DOCK3: variants seen among roughly 807,000 people sequenced by gnomAD.
DOCK3 encodes the protein dedicator of cytokinesis 3, also known as dedicator of cytokinesis protein 3.
A neutral mutation model predicts 265.6 loss-of-function variants in DOCK3; 60 were observed. The observed-to-expected ratio is 0.23, with a 90% CI of 0.18 to 0.28. The LOEUF is 0.28. DOCK3 is among the 10% of genes least tolerant of loss of function. The pLI, the probability that DOCK3 is intolerant of heterozygous loss-of-function variation, is 1.00. For synonymous variants in DOCK3, 881 were observed against 938.0 expected (o/e 0.94, Z 1.11); for missense variants, 1,981 against 2,594.3 (o/e 0.76, Z 5.14).
intron 19 of DOCK3, 62 bp from the exon 20 acceptor site, chr3:51,236,283 T>G (rs1202889991): frequency 8.2e-7 from 1 of 1,223,972 alleles, no homozygotes; most frequent in Non-Finnish European, 1.2e-6. Context: ...TTCATTGATT[T>G]ATGGAAGTTT....
At chr3:50,737,894 G>C (rs572587607) in intron 1 of DOCK3, among the ~76,000 whole-genome samples, 3 of 152,266 alleles carry the variant, frequency 2.0e-5, no homozygotes, top group Admixed American at 2.0e-4. Context: ...GCAGTTTCTA[G>C]CTCTCTTTAG....
chr3:51,034,140 A>AT (rs1335789150), intron 5 of DOCK3, among the ~76,000 whole-genome samples: 21 of 152,138 alleles, frequency 1.4e-4, no homozygotes, highest in African/African-American at 5.1e-4. Context: ...TAGTTTTTTC[A>AT]TAATATGCAT....
intron 2 of DOCK3, among the ~76,000 whole-genome samples, chr3:50,834,189 C>T (rs1269735915): frequency 5.9e-5 from 9 of 151,954 alleles, no homozygotes; most frequent in Admixed American, 5.9e-4. Context: ...CATTCAAGAG[C>T]ACCTGTCAAA....
chr3:51,219,724 A>G (rs1312002671), intron 14 of DOCK3, among the ~76,000 whole-genome samples: 3 of 152,194 alleles, frequency 2.0e-5, no homozygotes, highest in Non-Finnish European at 4.4e-5. Context: ...CAACAGAGAT[A>G]TGGTTTTTGG....
At chr3:50,908,145 T>G (rs2049638464) in intron 4 of DOCK3, among the ~76,000 whole-genome samples, 1 of 151,652 alleles carries the variant, frequency 6.6e-6, no homozygotes, top group African/African-American at 2.4e-5. Context: ...TTTTATTAAT[T>G]TTTTCAAAAA....
At chr3:50,948,245 CG>C (rs2076490850) in intron 5 of DOCK3, among the ~76,000 whole-genome samples, 1 of 150,764 alleles carries the variant, frequency 6.6e-6, no homozygotes, top group African/African-American at 2.4e-5. Context: ...TTAGTAGAGA[CG>C]GGGTTTCACT....
At chr3:51,051,563 G>C (rs1001075488) in intron 5 of DOCK3, among the ~76,000 whole-genome samples, 3 of 152,156 alleles carry the variant, frequency 2.0e-5, no homozygotes, top group Non-Finnish European at 2.9e-5. Flanking sequence ...AGCAAATTGA[G>C]GCACACAAGT....
chr3:50,735,609 A>T (rs2038539734), intron 1 of DOCK3, among the ~76,000 whole-genome samples: 1 of 152,046 alleles, frequency 6.6e-6, no homozygotes, highest in African/African-American at 2.4e-5. Context: ...AAGTGCTGGG[A>T]TTGCGGGGTG....
At chr3:50,940,778 G>A (rs1306392325) in intron 5 of DOCK3, among the ~76,000 whole-genome samples, 1 of 152,046 alleles carries the variant, frequency 6.6e-6, no homozygotes, top group Non-Finnish European at 1.5e-5. Context: ...ATTCACACAG[G>A]TATGCACAAC....
intron 4 of DOCK3, among the ~76,000 whole-genome samples, chr3:50,921,487 G>A (rs1215834767): frequency 2.6e-5 from 4 of 152,150 alleles, no homozygotes; most frequent in Non-Finnish European, 4.4e-5. Flanking sequence ...TTTGCGATGC[G>A]TTTGAACATC....
intron 12 of DOCK3, among the ~76,000 whole-genome samples, chr3:51,195,488 C>T (rs2088226659): frequency 6.7e-6 from 1 of 149,508 alleles, no homozygotes; most frequent in Non-Finnish European, 1.5e-5. Flanking sequence ...GATCTCGGCT[C>T]ACTGCAGCCT....
intron 26 of DOCK3, chr3:51,278,309 G>C (rs748849795): frequency 7.3e-5 from 72 of 985,264 alleles, no homozygotes; most frequent in Non-Finnish European, 8.7e-5. Context: ...AACTGGGAAG[G>C]CTTCTCAGGA....
intron 3 of DOCK3, among the ~76,000 whole-genome samples, chr3:50,882,932 C>T (rs1347764229): frequency 1.3e-5 from 2 of 152,150 alleles, no homozygotes; most frequent in African/African-American, 4.8e-5. Flanking sequence ...GAATACTATG[C>T]AGCCATGAAA....
At chr3:50,766,050 C>G (rs2040852715) in intron 1 of DOCK3, among the ~76,000 whole-genome samples, 1 of 152,098 alleles carries the variant, frequency 6.6e-6, no homozygotes, top group Non-Finnish European at 1.5e-5. Context: ...TGGCTTATTT[C>G]ACTTAATGTC....
intron 4 of DOCK3, among the ~76,000 whole-genome samples, chr3:50,919,731 A>G (rs2050331566): frequency 6.6e-6 from 1 of 152,170 alleles, no homozygotes; most frequent in Admixed American, 6.5e-5. Context: ...TCCTAATTAA[A>G]TACCCTTTAT....
intron 3 of DOCK3, among the ~76,000 whole-genome samples, chr3:50,883,131 G>T (rs1435437615): frequency 6.6e-6 from 1 of 152,108 alleles, no homozygotes; most frequent in Non-Finnish European, 1.5e-5. Context: ...GTGGGGGAAT[G>T]GGGGAGGGAT....
intron 1 of DOCK3, among the ~76,000 whole-genome samples, chr3:50,756,467 T>A (rs750402909): frequency 1.3e-5 from 2 of 152,152 alleles, no homozygotes; most frequent in African/African-American, 2.4e-5. Context: ...CACATTTTGT[T>A]TATCAAAACA....
intron 5 of DOCK3, among the ~76,000 whole-genome samples, chr3:50,997,550 A>G (rs1027971255): frequency 2.6e-5 from 4 of 152,154 alleles, no homozygotes; most frequent in Non-Finnish European, 5.9e-5. Flanking sequence ...AAATAAGGGT[A>G]TATTATTTTA....
chr3:50,820,098 G>A (rs1459488118), intron 2 of DOCK3, among the ~76,000 whole-genome samples: 1 of 152,160 alleles, frequency 6.6e-6, no homozygotes, highest in Non-Finnish European at 1.5e-5. Flanking sequence ...TCCACCCCTT[G>A]TTTAGCATAT....
Sources: allele counts gnomAD v4.1 joint callset (sites outside exome capture counted in the v4.1 genomes callset), GRCh38; gene constraint gnomAD v4.1.1; transcripts MANE v1.5; gene names NCBI Gene and HGNC (gene_info 2026-07-23, HGNC 2026-07-21).